The following SPEG variants were observed in gnomAD, a reference collection of about 807,000 sequenced individuals.
The protein encoded by SPEG is striated muscle preferentially expressed protein kinase.
SPEG carries 114 observed loss-of-function variants against 300.4 expected under a neutral mutation model. That is an observed-to-expected ratio of 0.38 (90% CI 0.33 to 0.44). The LOEUF (loss-of-function observed/expected upper bound fraction) is 0.44. Ranked by LOEUF, SPEG falls within the 20% of genes least tolerant of loss-of-function variation. The probability of loss-of-function intolerance (pLI) is 1.00; values close to 1 mark genes in which losing one functional copy is unlikely to be tolerated. For missense variants in SPEG, 4,201 were observed against 4,586.2 expected, an observed-to-expected ratio of 0.92 and a Z score of 2.43; for synonymous variants, 1,964 against 2,018.9, an observed-to-expected ratio of 0.97 and a Z score of 0.73.
At chr2:219,435,451 T>A in intron 1 of SPEG, 86 bp downstream of exon 1, 2 of 1,333,254 alleles carry the variant, frequency 1.5e-6, no homozygotes, top group Non-Finnish European at 2.0e-6. Flanking sequence ...GGTAAGGTAC[T>A]GGATACTGGT....
At chr2:219,447,740 G>C (rs964194875) in intron 3 of SPEG, among the ~76,000 whole-genome samples, 1 of 151,768 alleles carries the variant, frequency 6.6e-6, no homozygotes, top group African/African-American at 2.4e-5. Flanking sequence ...GGCTGAGTCT[G>C]TACCAAGACC....
chr2:219,461,568 A>G lies in SPEG; in HGVS notation c.2441-314A>G, dbSNP rs542207455. The G allele has an allele frequency of 1.8e-4, 220 of 1,196,758 alleles. No homozygotes were observed. In the Middle Eastern group the frequency reaches 1.9e-3, roughly 10 times the overall value. 74.1% of individuals were successfully genotyped at this position (1,196,758 alleles called of 1,614,324 possible). On this transcript the variant is annotated intron_variant, in intron 6 of 40. Coordinates refer to ENST00000312358, the MANE Select transcript of SPEG (RefSeq NM_005876.5). ...GTCAGGAATGTGGGTGCCCTGCTCCAGTGGAATTCTCCCACCAGGCCCAGG... is the reference window on the plus strand; with the variant it reads ...GTCAGGAATGTGGGTGCCCTGCTCCGGTGGAATTCTCCCACCAGGCCCAGG...
intron 3 of SPEG, among the ~76,000 whole-genome samples, chr2:219,447,480 C>T (rs1689394282): frequency 6.6e-6 from 1 of 152,090 alleles, no homozygotes; most frequent in African/African-American, 2.4e-5. Flanking sequence ...TGTTGCTTGG[C>T]TTCCAGGGAC....
intron 39 of SPEG, 53 bp downstream of exon 39, chr2:219,491,922 G>A (rs374089605): frequency 1.3e-5 from 20 of 1,485,876 alleles, no homozygotes; most frequent in South Asian, 1.3e-4. Context: ...GTGAGCTCCC[G>A]GACTCACCTT....
chr2:219,473,820 G>A lies in SPEG; in HGVS notation c.4364G>A (p.Ser1455Asn), dbSNP rs776939874. ...TACTGTCTTCGGATCTGCCGGGTGAGCCGCCGGGACATGGGGGCCCTCACC... is the reference window on the plus strand; with the variant it reads ...TACTGTCTTCGGATCTGCCGGGTGAACCGCCGGGACATGGGGGCCCTCACC... ...DQYCLRICRVSRRDMGALTCT... is the reference protein window; with the variant it reads ...DQYCLRICRVNRRDMGALTCT... The change falls in exon 18 of 41, where the codon AGC becomes AAC. Residue 1455 changes from serine (S) to asparagine (N), a missense_variant. This residue lies in a region of SPEG where 1,047 missense variants were observed against 1,356.8 expected (regional missense o/e 0.77). Transcript: ENST00000312358. This position sits in a 1 kb window ranked among gnomAD's most constrained non-coding sequence, Gnocchi z 4.6. 3.1e-6 allele frequency: 5 copies of A among 1,613,880 alleles called. No homozygotes were observed. The highest frequency in any genetic ancestry group is 4.2e-6 in the Non-Finnish European group (5 of 1,180,022).
intron 9 of SPEG, chr2:219,466,551 C>G: frequency 9.4e-7 from 1 of 1,059,836 alleles, no homozygotes; most frequent in Non-Finnish European, 1.1e-6. Context: ...AAGGCCTTAC[C>G]AGGAAGGGTT....
intron 39 of SPEG, 39 bp downstream of exon 39, chr2:219,491,908 T>C (rs2125605909): frequency 6.5e-7 from 1 of 1,531,268 alleles, no homozygotes; most frequent in Non-Finnish European, 8.9e-7. Context: ...TCTCTGCCCA[T>C]ACAGTGAGCT....
chr2:219,487,534 G>T (rs1398149491), intron 31 of SPEG, among the ~76,000 whole-genome samples: 1 of 152,184 alleles, frequency 6.6e-6, no homozygotes, highest in Non-Finnish European at 1.5e-5. Flanking sequence ...CTTGCCCAAG[G>T]TCAGGCAGAT....
At chr2:219,460,294 C>T (rs904361952) in intron 6 of SPEG, 2 of 985,376 alleles carry the variant, frequency 2.0e-6, no homozygotes, top group Non-Finnish European at 2.4e-6. Context: ...TGACAGTTCT[C>T]CGATTTTCGG....
At chr2:219,487,798 T>C (rs1442198608) in intron 31 of SPEG, among the ~76,000 whole-genome samples, 1 of 152,234 alleles carries the variant, frequency 6.6e-6, no homozygotes, top group Non-Finnish European at 1.5e-5. Context: ...TGCCCTGTGG[T>C]GCCCCAGAGA....
chr2:219,450,967 T>G, intron 4 of SPEG, 169 bp from the exon 5 acceptor site: 2 of 662,142 alleles, frequency 3.0e-6, no homozygotes, highest in South Asian at 5.0e-5. Flanking sequence ...CTTCCTTTTT[T>G]CCCTAAGGAC....
intron 15 of SPEG, among the ~76,000 whole-genome samples, chr2:219,472,598 C>T (rs1049290343): frequency 2.0e-5 from 3 of 152,184 alleles, no homozygotes; most frequent in Admixed American, 6.5e-5. Flanking sequence ...GCCCTCTCCT[C>T]GTCTTGTCCA....
Position 219,483,601 on chromosome 2 carries a change from C to T in SPEG, c.6138C>T (p.Pro2046=), listed in dbSNP as rs1454220961. 1.3e-6 allele frequency: 2 copies of T among 1,493,978 alleles called. No homozygotes were observed. Among genetic ancestry groups the T allele is most frequent in the African/African-American group, 1.5e-5 (1 of 68,476 alleles). 92.5% of individuals were successfully genotyped at this position (1,493,978 alleles called of 1,614,324 possible). A position where few individuals can be genotyped will look rare whatever the true frequency, so the allele number is the denominator to read the frequency against. Residue 2046 remains proline (P), a synonymous_variant, in exon 30 of 41, where the codon CCC becomes CCT. Transcript: ENST00000312358. ...TGGAGCTGCCGCAGCGCCGGAGCCC[C>T]AGCCCGGGAGCCACCCGCCTGGCCC... is the stretch of plus-strand genomic sequence containing the variant. ...ASVELPQRRS[P]SPGATRLARG... is the part of the protein sequence containing the mutation.
chr2:219,469,410 C>A (rs1435991644), intron 13 of SPEG, 31 bp downstream of exon 13: 5 of 1,559,196 alleles, frequency 3.2e-6, no homozygotes, highest in South Asian at 1.1e-5. Flanking sequence ...CCGGGAGTGT[C>A]CCCTGCAGCA....
At position 219,477,750 on chromosome 2, in the gene SPEG, C is replaced by G. The variant is rs982922679; in HGVS notation, c.4791C>G (p.Leu1597=). 6.2e-7 allele frequency: 1 copy of G among 1,609,724 alleles called. No homozygotes were observed. Residue 1597 remains leucine, a synonymous_variant, in exon 21 of 41, where the codon CTC becomes CTG. Transcript: ENST00000312358. This position sits in a 1 kb window ranked among gnomAD's most constrained non-coding sequence, Gnocchi z 6.4. ...GEDEDHRGRR[L]SDFYDIHQEI... ...ATGAGGACCATCGAGGAAGGAGACTCAGCGACTTTTATGACATCCACCAGG... is the reference window on the plus strand; with the variant it reads ...ATGAGGACCATCGAGGAAGGAGACTGAGCGACTTTTATGACATCCACCAGG...
At position 219,443,272 on chromosome 2, in the gene SPEG, C is replaced by T. The variant is rs1051096637; in HGVS notation, c.389-1381C>T. 3 of 1,006,104 alleles carry T rather than the reference C, an allele frequency of 3.0e-6. No individual in the cohort carries two copies. Among genetic ancestry groups the T allele is most frequent in the Non-Finnish European group, 4.8e-6 (3 of 627,362 alleles). 62.3% of individuals were successfully genotyped at this position (1,006,104 alleles called of 1,614,324 possible). A position where few individuals can be genotyped will look rare whatever the true frequency, so the allele number is the denominator to read the frequency against. ...TGAGATGTGGAACCCTCCCACTCACCCCCACACTTATCTACCACCCACCCG... is the reference window on the plus strand; with the variant it reads ...TGAGATGTGGAACCCTCCCACTCACTCCCACACTTATCTACCACCCACCCG... On this transcript the variant is annotated intron_variant, in intron 1 of 40. Transcript: ENST00000312358. The surrounding 1 kb of genome is among the most constrained non-coding windows in gnomAD (Gnocchi z 4.6).
chr2:219,461,695 A>G, intron 6 of SPEG, 187 bp from the exon 7 acceptor site: 1 of 781,894 alleles, frequency 1.3e-6, no homozygotes, highest in Non-Finnish European at 2.0e-6. Flanking sequence ...CCAGTGGCAG[A>G]GGAGGTTCCA....
At chr2:219,440,700 A>C (rs1954839902) in intron 1 of SPEG, among the ~76,000 whole-genome samples, 1 of 152,080 alleles carries the variant, frequency 6.6e-6, no homozygotes, top group Admixed American at 6.5e-5. Flanking sequence ...ATTCTCATGC[A>C]TCTGCCTAGG....
intron 6 of SPEG, chr2:219,460,156 C>A: frequency 3.0e-6 from 1 of 329,958 alleles, no homozygotes; most frequent in Non-Finnish European, 4.3e-6. Flanking sequence ...GGTAGGAAGG[C>A]TGGATGTGGG....
Sources: gnomAD v4.1 joint callset for allele counts (sites outside exome capture counted in the v4.1 genomes callset) on GRCh38, gnomAD v4.1.1 for gene constraint, gnomAD v4.1.1 regional missense constraint, Gnocchi (gnomAD v3.1) non-coding constraint, MANE v1.5 for transcripts, NCBI Gene and HGNC (gene_info 2026-07-23, HGNC 2026-07-21) for gene names.